Variants in CFAP43 observed in about 807,000 individuals in gnomAD.
CFAP43 encodes cilia and flagella associated protein 43.
CFAP43 carries 155 observed loss-of-function variants against 218.9 expected under a neutral mutation model. The ratio of observed to expected loss-of-function variants is 0.71; its 90% confidence interval spans 0.62 to 0.81. The LOEUF is 0.81. CFAP43 is among the 30% of genes least tolerant of loss of function. CFAP43 has a pLI of 0.00. For synonymous variants in CFAP43, 645 were observed against 681.3 expected (o/e 0.95, Z 0.83); for missense variants, 1,778 against 1,954.3 (o/e 0.91, Z 1.70).
chr10:104,224,406 G>A (rs11191957), intron 3 of CFAP43, among the ~76,000 whole-genome samples: 20,755 of 151,838 alleles, frequency 0.14, 1,485 homozygotes, highest in South Asian at 0.21. Context: ...ACTTATCAAA[G>A]TATTTACCTT....
At chr10:104,211,984 A>G in intron 5 of CFAP43, 23 bp downstream of exon 5, 1 of 1,607,266 alleles carries the variant, frequency 6.2e-7, no homozygotes, top group Non-Finnish European at 8.5e-7. Context: ...TTAGGCAAAC[A>G]GGAAGAGGTG....
At chr10:104,192,402 C>G (rs2090255795) in intron 11 of CFAP43, 100 bp from the exon 12 acceptor site, 1 of 891,288 alleles carries the variant, frequency 1.1e-6, no homozygotes, top group South Asian at 1.5e-5. Flanking sequence ...CAAAGCCAGT[C>G]ATTTTTACGG....
chr10:104,167,763 A>G, intron 21 of CFAP43, 26 bp from the exon 22 acceptor site: 1 of 1,550,550 alleles, frequency 6.4e-7, no homozygotes, highest in Non-Finnish European at 8.8e-7. Flanking sequence ...GCAAGACAAA[A>G]TAAATCCATT....
In CFAP43 at chr10:104,130,071, A is replaced by G; in HGVS notation, c.*68T>C. ...ATTTCCCAGTAAGAAAGAAAAGGAA[A>G]TCATTTTACCCAAATGAAATGATTT... is the stretch of plus-strand genomic sequence containing the variant. On this transcript the variant is annotated 3_prime_UTR_variant, in exon 38 of 38. Transcript: ENST00000357060. 6.7e-7 allele frequency: 1 copy of G among 1,483,866 alleles called. No individual in the cohort carries two copies. Among genetic ancestry groups the G allele is most frequent in the Non-Finnish European group, 9.0e-7 (1 of 1,115,790 alleles). The allele number at this position is 1,483,866 out of a possible 1,614,324, so 91.9% of individuals were successfully genotyped here.
In CFAP43 at chr10:104,153,664, A is replaced by G. The variant is rs138818099; in HGVS notation, c.3541-938T>C. Among the ~76,000 whole-genome samples the G allele has an allele frequency of 5.6e-3, 860 of 152,276 alleles. 7 individuals carry two copies. The highest frequency in any genetic ancestry group is 0.018 in the African/African-American group (765 of 41,556). ...AACTGTTAATTTTGATATAACTTCAAACTTATAGAAAAGTTGCAAGAATAG... is the reference window on the plus strand; with the variant it reads ...AACTGTTAATTTTGATATAACTTCAGACTTATAGAAAAGTTGCAAGAATAG... On this transcript the variant is annotated intron_variant, in intron 27 of 37. Coordinates refer to ENST00000357060, the MANE Select transcript of CFAP43 (RefSeq NM_025145.7).
intron 27 of CFAP43, among the ~76,000 whole-genome samples, chr10:104,154,559 T>C (rs2088440061): frequency 1.3e-5 from 2 of 152,322 alleles, no homozygotes; most frequent in South Asian, 4.1e-4. Flanking sequence ...TGGCCCTTTA[T>C]CAAGTTCACC....
In CFAP43 at chr10:104,157,882, A is replaced by G. The variant is rs1589663475; in HGVS notation, c.3540+3155T>C. On this transcript the variant is annotated intron_variant, in intron 27 of 37. Coordinates refer to ENST00000357060, the MANE Select transcript of CFAP43 (RefSeq NM_025145.7). ...TGGTCTCTAAATACCAATTGCCAGCAAAAGGAATCCAGGATTCTCTAAAAA... is the reference window on the plus strand; with the variant it reads ...TGGTCTCTAAATACCAATTGCCAGCGAAAGGAATCCAGGATTCTCTAAAAA... 2.0e-5 allele frequency among the ~76,000 whole-genome samples: 3 copies of G among 152,108 alleles called. No homozygotes were observed. In the South Asian group the frequency reaches 6.2e-4, roughly 32 times the overall value.
intron 37 of CFAP43, among the ~76,000 whole-genome samples, chr10:104,130,737 C>T (rs1485749798): frequency 1.3e-5 from 2 of 152,082 alleles, no homozygotes; most frequent in Admixed American, 1.3e-4. Context: ...GTGGCTCACA[C>T]CTGTAATCCC....
intron 3 of CFAP43, chr10:104,218,773 TAC>T (rs1188355155): frequency 1.8e-6 from 1 of 548,480 alleles, no homozygotes; most frequent in Non-Finnish European, 3.7e-6. Flanking sequence ...GCTCCCAAAA[TAC>T]ACCGGTGGTT....
At chr10:104,182,909 A>G (rs1406912330) in intron 16 of CFAP43, among the ~76,000 whole-genome samples, 1 of 151,860 alleles carries the variant, frequency 6.6e-6, no homozygotes, top group East Asian at 1.9e-4. Flanking sequence ...AGACCCTTTC[A>G]TGGGTTCCAG....
chr10:104,219,369 A>G (rs2091114743), intron 3 of CFAP43, among the ~76,000 whole-genome samples: 1 of 152,138 alleles, frequency 6.6e-6, no homozygotes, highest in Non-Finnish European at 1.5e-5. Flanking sequence ...CACCTGGACC[A>G]CCACAGCCTC....
Position 104,166,646 on chromosome 10 carries a change from C to T in CFAP43, c.2881G>A (p.Glu961Lys). ...ACTGTCTTGTCTTCCTCTTCCTCTT[C>T]TTCATCATCCTCTTCATGACGCTGT... ...IKQRHEEDDE[E>K]EEEEDKTVKY... Residue 961 changes from glutamate to lysine, a missense_variant, in exon 23 of 38, where the codon GAA becomes AAA. Physicochemically the swap from Glu to Lys is moderately conservative, Grantham distance 56 (BLOSUM62 1). Coordinates refer to ENST00000357060, the MANE Select transcript of CFAP43 (RefSeq NM_025145.7). The T allele has an allele frequency of 6.2e-7, 1 of 1,614,174 alleles. No homozygotes were observed. The highest frequency in any genetic ancestry group is 1.7e-5 in the Admixed American group (1 of 60,026).
chr10:104,161,767 A>G (rs993178428), intron 26 of CFAP43, among the ~76,000 whole-genome samples, 194 bp downstream of exon 26: 3 of 151,922 alleles, frequency 2.0e-5, no homozygotes, highest in African/African-American at 7.3e-5. Context: ...TAGCCTCCTC[A>G]AGTGCTGGGA....
rs1445327504 is a variant in CFAP43 at position 104,142,264 on chromosome 10, A to G, written c.4271+17T>C. 12 of 1,602,356 alleles carry G rather than the reference A, an allele frequency of 7.5e-6. No individual in the cohort carries two copies. Among genetic ancestry groups the G allele is most frequent in the Non-Finnish European group, 1.0e-5 (12 of 1,172,794 alleles). The stretch of plus-strand genomic sequence containing the variant: ...TAGACTTTGAATAGGTGAACATGAA[A>G]GAAAGCTTCAAATTACAGGATGAGT... On this transcript the variant is annotated intron_variant, in intron 33 of 37. Transcript: ENST00000357060.
intron 27 of CFAP43, among the ~76,000 whole-genome samples, chr10:104,156,814 C>G (rs921896676): frequency 6.6e-6 from 1 of 152,166 alleles, no homozygotes; most frequent in Non-Finnish European, 1.5e-5. Context: ...CTTTTAGAGA[C>G]AGCAGCTCGA....
chr10:104,167,795 TG>T, intron 21 of CFAP43, 58 bp from the exon 22 acceptor site: 1 of 1,299,756 alleles, frequency 7.7e-7, no homozygotes, highest in Non-Finnish European at 1.1e-6. Context: ...TGTGTGTATC[TG>T]GGGTTGAGTA....
chr10:104,205,212 C>CAAAAAAAAAAAAAA (rs71022723), intron 7 of CFAP43, among the ~76,000 whole-genome samples: 9 of 56,548 alleles, frequency 1.6e-4, no homozygotes, highest in South Asian at 6.7e-4. Context: ...GACTCCGTCT[C>CAAAAAAAAAAAAAA]AAAAAAAAAA....
Position 104,130,061 on chromosome 10 carries a change from A to T in CFAP43, c.*78T>A. 6.9e-7 allele frequency: 1 copy of T among 1,457,610 alleles called. No individual in the cohort carries two copies. Among genetic ancestry groups the T allele is most frequent in the Non-Finnish European group, 9.1e-7 (1 of 1,099,144 alleles). 90.3% of individuals were successfully genotyped at this position (1,457,610 alleles called of 1,614,324 possible). On this transcript the variant is annotated 3_prime_UTR_variant, in exon 38 of 38. Transcript: ENST00000357060. ...TGCTACTTCAATTTCCCAGTAAGAA[A>T]GAAAAGGAAATCATTTTACCCAAAT... is the stretch of plus-strand genomic sequence containing the variant.
chr10:104,190,413 G>A (rs1037457066), intron 12 of CFAP43, among the ~76,000 whole-genome samples: 1 of 152,176 alleles, frequency 6.6e-6, no homozygotes, highest in Non-Finnish European at 1.5e-5. Context: ...ACCACACTCA[G>A]TGCCATCTAA....
Sources: gnomAD v4.1 joint callset for allele counts (sites outside exome capture counted in the v4.1 genomes callset) on GRCh38, gnomAD v4.1.1 for gene constraint, MANE v1.5 for transcripts, NCBI Gene and HGNC (gene_info 2026-07-23, HGNC 2026-07-21) for gene names.